PTK2: variants seen among roughly 807,000 people sequenced by gnomAD.
PTK2 encodes the protein protein tyrosine kinase 2.
Under a neutral mutation model 150.1 loss-of-function variants are expected in PTK2, and 45 were observed. The ratio of observed to expected loss-of-function variants is 0.30; its 90% CI spans 0.24 to 0.38. The LOEUF is 0.38. PTK2 is among the 10% of genes least tolerant of loss of function. PTK2 has a pLI of 1.00. For synonymous variants in PTK2, 432 were observed against 449.2 expected, an observed-to-expected ratio of 0.96 and a Z score of 0.48; for missense variants, 919 against 1,307.3, an observed-to-expected ratio of 0.70 and a Z score of 4.58.
chr8:140,983,848 T>TA (rs2100192347), intron 1 of PTK2: 1 of 152,190 alleles, frequency 6.6e-6, no homozygotes, highest in African/African-American at 2.4e-5. Context: ...TTACCTTTCA[T>TA]AAAGCGTTTA....
chr8:140,775,422 T>G (rs1049199372), intron 14 of PTK2, among the ~76,000 whole-genome samples: 1 of 151,986 alleles, frequency 6.6e-6, no homozygotes, highest in Admixed American at 6.6e-5. Flanking sequence ...GAGATGGAGG[T>G]TGCAGTGAGC....
At chr8:140,832,524 G>C (rs189319061) in intron 7 of PTK2, among the ~76,000 whole-genome samples, 2 of 152,364 alleles carry the variant, frequency 1.3e-5, no homozygotes, top group South Asian at 2.1e-4. Flanking sequence ...GAAGGGGGCA[G>C]TTTCTGTTCT....
intron 2 of PTK2, among the ~76,000 whole-genome samples, chr8:140,898,677 C>T (rs905262526): frequency 3.3e-5 from 5 of 152,010 alleles, no homozygotes; most frequent in South Asian, 2.1e-4. Context: ...AAAAATGCAA[C>T]GAACATAATA....
At chr8:140,858,653 G>C (rs1056958855) in intron 5 of PTK2, among the ~76,000 whole-genome samples, 7 of 151,962 alleles carry the variant, frequency 4.6e-5, no homozygotes, top group Non-Finnish European at 1.0e-4. Flanking sequence ...ACCCTGATTT[G>C]TGTACCCAGC....
At chr8:140,907,753 T>C (rs983378465) in intron 2 of PTK2, among the ~76,000 whole-genome samples, 2 of 152,190 alleles carry the variant, frequency 1.3e-5, no homozygotes, top group East Asian at 3.9e-4. Context: ...ATATTTCTAT[T>C]GTAACTGTCT....
chr8:140,920,378 G>A (rs2100166965), intron 2 of PTK2, among the ~76,000 whole-genome samples: 2 of 152,152 alleles, frequency 1.3e-5, no homozygotes, highest in South Asian at 2.1e-4. Flanking sequence ...CAATAATACC[G>A]AGTTTCAAAT....
chr8:140,833,665 T>C (rs980124054), intron 7 of PTK2, among the ~76,000 whole-genome samples: 2 of 152,252 alleles, frequency 1.3e-5, no homozygotes, highest in African/African-American at 4.8e-5. Flanking sequence ...ACAACTGTCC[T>C]GTATGCGAAT....
At chr8:140,752,968 C>G (rs1314868947) in intron 16 of PTK2, among the ~76,000 whole-genome samples, 1 of 152,162 alleles carries the variant, frequency 6.6e-6, no homozygotes, top group Non-Finnish European at 1.5e-5. Flanking sequence ...GGGGCCAGAC[C>G]ACACAGGGCC....
chr8:140,921,148 T>C, intron 2 of PTK2: 1 of 1,237,434 alleles, frequency 8.1e-7, no homozygotes, highest in African/African-American at 1.6e-5. Flanking sequence ...ACACAGACCA[T>C]CCTGGCTAGA....
At chr8:140,815,561 A>G (rs2100104220) in intron 10 of PTK2, among the ~76,000 whole-genome samples, 1 of 151,996 alleles carries the variant, frequency 6.6e-6, no homozygotes, top group Non-Finnish European at 1.5e-5. Flanking sequence ...CCCTGAGCTT[A>G]AAAAGTTTTT....
At chr8:140,712,258 C>CATCT (rs1335294128) in intron 23 of PTK2, among the ~76,000 whole-genome samples, 4 of 151,362 alleles carry the variant, frequency 2.6e-5, no homozygotes, top group African/African-American at 9.7e-5. Context: ...GACACATGTA[C>CATCT]ATCTACACTG....
At chr8:140,954,433 A>G (rs998652169) in intron 1 of PTK2, among the ~76,000 whole-genome samples, 8 of 152,240 alleles carry the variant, frequency 5.3e-5, no homozygotes, top group African/African-American at 1.9e-4. Flanking sequence ...AGGGAAGAAC[A>G]GTAAACCTTG....
rs183723298 is a variant in PTK2 at position 140,804,799 on chromosome 8, T to C, written c.868-1149A>G. On this transcript the variant is annotated intron_variant, in intron 10 of 31. Coordinates refer to ENST00000522684, the Ensembl canonical transcript of PTK2. ...TTCCTGCGCCGTTTGTAGAGACATG[T>C]GTTTTGCAGGGCTCCTGCCTTTCCC... Among the ~76,000 whole-genome samples, 5 of 152,302 alleles carry C rather than the reference T, an allele frequency of 3.3e-5. No individual in the cohort carries two copies. In the East Asian group the frequency reaches 9.7e-4, roughly 29 times the overall value.
intron 22 of PTK2, among the ~76,000 whole-genome samples, chr8:140,723,497 G>C (rs1180998105): frequency 6.6e-6 from 1 of 152,196 alleles, no homozygotes; most frequent in Non-Finnish European, 1.5e-5. Context: ...AGGGCACAAG[G>C]AGACAGTACT....
rs571348521 is a variant in PTK2, at chr8:140,833,426, T to G, written c.594-2900A>C. 7.9e-5 allele frequency among the ~76,000 whole-genome samples: 12 copies of G among 152,350 alleles called. No homozygotes were observed. The South Asian group carries it at 2.5e-3, about 32-fold the overall frequency. On this transcript the variant is annotated intron_variant, in intron 7 of 31. Coordinates refer to ENST00000522684, the Ensembl canonical transcript of PTK2. Reference sequence around the variant, plus strand: ...CTTCAGGTTTTGTGATAGAGGACTCTGAGCCCACCTAAGGTACTATGTTCA... The same window carrying G: ...CTTCAGGTTTTGTGATAGAGGACTCGGAGCCCACCTAAGGTACTATGTTCA...
intron 1 of PTK2, among the ~76,000 whole-genome samples, chr8:140,951,370 G>T (rs1371840677): frequency 6.6e-6 from 1 of 152,174 alleles, no homozygotes; most frequent in East Asian, 1.9e-4. Context: ...TTACGAAGGG[G>T]AACTCTGTGA....
chr8:140,984,318 A>G (rs1313605567), intron 1 of PTK2, among the ~76,000 whole-genome samples: 1 of 152,176 alleles, frequency 6.6e-6, no homozygotes, highest in Non-Finnish European at 1.5e-5. Flanking sequence ...TACCGCAATC[A>G]ACAGTGGTTA....
At chr8:140,992,060 G>C (rs2100195891) in intron 1 of PTK2, among the ~76,000 whole-genome samples, 1 of 152,122 alleles carries the variant, frequency 6.6e-6, no homozygotes. Context: ...GGGAGGCAGA[G>C]GTGGGCAGAT....
At chr8:140,989,910 CAAAAA>C (rs11400792) in intron 1 of PTK2, among the ~76,000 whole-genome samples, 2 of 136,068 alleles carry the variant, frequency 1.5e-5, no homozygotes, top group African/African-American at 5.8e-5. Context: ...CTCTTTGTCT[CAAAAA>C]AAAAAAAAAA....
Sources: gnomAD v4.1 joint callset for allele counts (sites outside exome capture counted in the v4.1 genomes callset) on GRCh38, gnomAD v4.1.1 for gene constraint, MANE v1.5 for transcripts, NCBI Gene and HGNC (gene_info 2026-07-23, HGNC 2026-07-21) for gene names.